The following DTNA variants were observed in gnomAD, a reference collection of about 807,000 sequenced individuals.
The protein encoded by DTNA is dystrobrevin alpha.
DTNA carries 43 observed loss-of-function variants against 100.7 expected under a neutral mutation model. The ratio of observed to expected loss-of-function variants is 0.43; its 90% CI spans 0.33 to 0.55. DTNA has a LOEUF of 0.55. Among genes scored for constraint, DTNA ranks in the 20% least tolerant of loss-of-function variants. The pLI, the probability that DTNA is intolerant of heterozygous loss-of-function variation, is 0.04. For synonymous variants in DTNA, 349 were observed against 347.9 expected, an observed-to-expected ratio of 1.00 and a Z score of -0.04; for missense variants, 798 against 953.9, an observed-to-expected ratio of 0.84 and a Z score of 2.15.
At chr18:34,800,830 A>G (rs113673703) in intron 4 of DTNA, among the ~76,000 whole-genome samples, 3,856 of 152,226 alleles carry the variant, frequency 0.025, 168 homozygotes, top group African/African-American at 0.087. Context: ...ATCCAGCCCT[A>G]CCGATCAATA....
chr18:34,866,064 T>C, intron 17 of DTNA: 1 of 1,608,538 alleles, frequency 6.2e-7, no homozygotes, highest in South Asian at 1.1e-5. Flanking sequence ...CATGCTCTTA[T>C]TGGAACCCTG....
At chr18:34,724,627 C>T (rs1346838465) in intron 1 of DTNA, among the ~76,000 whole-genome samples, 2 of 152,092 alleles carry the variant, frequency 1.3e-5, no homozygotes, top group Non-Finnish European at 2.9e-5. Flanking sequence ...TCTTTTAAAC[C>T]AGCTCTTGGT....
chr18:34,568,417 C>T (rs919311319), intron 1 of DTNA, among the ~76,000 whole-genome samples: 4 of 152,086 alleles, frequency 2.6e-5, no homozygotes. Flanking sequence ...GAGTTCCTGG[C>T]ACTTCTGTTC....
intron 1 of DTNA, among the ~76,000 whole-genome samples, chr18:34,739,886 G>C (rs139712631): frequency 6.6e-6 from 1 of 152,072 alleles, no homozygotes; most frequent in Non-Finnish European, 1.5e-5. Context: ...AAACTTCTTG[G>C]TGTGACTCCA....
At chr18:34,524,058 G>GTTTACTCATGTTTAC (rs2042384434) in intron 1 of DTNA, among the ~76,000 whole-genome samples, 1 of 152,174 alleles carries the variant, frequency 6.6e-6, no homozygotes, top group Non-Finnish European at 1.5e-5. Flanking sequence ...GAGTAAACAT[G>GTTTACTCATGTTTAC]AAGATGGTTG....
chr18:34,783,251 A>T (rs1286202760), intron 3 of DTNA, among the ~76,000 whole-genome samples: 1 of 152,156 alleles, frequency 6.6e-6, no homozygotes, highest in Non-Finnish European at 1.5e-5. Context: ...TGAGTCAACA[A>T]TTTTCATACC....
intron 9 of DTNA, chr18:34,825,359 C>A: frequency 6.5e-7 from 1 of 1,532,102 alleles, no homozygotes; most frequent in Non-Finnish European, 9.0e-7. Context: ...AACAAGTGAG[C>A]AATATGAGGC....
At chr18:34,837,655 C>T (rs146104431) in intron 11 of DTNA, among the ~76,000 whole-genome samples, 3 of 152,302 alleles carry the variant, frequency 2.0e-5, no homozygotes, top group Admixed American at 1.3e-4. Flanking sequence ...TAATATGAAG[C>T]AATCTCTAGC....
At chr18:34,680,234 GAATA>G (rs1360620458) in intron 1 of DTNA, among the ~76,000 whole-genome samples, 2 of 151,984 alleles carry the variant, frequency 1.3e-5, no homozygotes, top group African/African-American at 4.8e-5. Flanking sequence ...TGAAATGAAT[GAATA>G]AATATATTTT....
At chr18:34,533,916 C>T (rs1285775821) in intron 1 of DTNA, among the ~76,000 whole-genome samples, 1 of 152,070 alleles carries the variant, frequency 6.6e-6, no homozygotes, top group Admixed American at 6.6e-5. Context: ...TTGTTTGGAT[C>T]CTGTAGGAGC....
chr18:34,510,200 C>T (rs893695970), intron 1 of DTNA, among the ~76,000 whole-genome samples: 1 of 150,858 alleles, frequency 6.6e-6, no homozygotes, highest in African/African-American at 2.4e-5. Flanking sequence ...TTTGACTGCT[C>T]CTGCCCATTT....
chr18:34,858,131 A>G (rs2096574608), intron 15 of DTNA, among the ~76,000 whole-genome samples, 154 bp from the exon 16 acceptor site: 1 of 152,190 alleles, frequency 6.6e-6, no homozygotes, highest in South Asian at 2.1e-4. Flanking sequence ...AGCCTCTTAA[A>G]TACACTGGAA....
intron 3 of DTNA, 69 bp from the exon 4 acceptor site, chr18:34,793,968 G>T: frequency 6.6e-7 from 1 of 1,512,004 alleles, no homozygotes. Flanking sequence ...CAGGACAGAG[G>T]GTCATGTAAA....
intron 1 of DTNA, among the ~76,000 whole-genome samples, chr18:34,731,341 C>T (rs976534035): frequency 1.3e-5 from 2 of 151,758 alleles, no homozygotes; most frequent in African/African-American, 2.4e-5. Flanking sequence ...TAGCCGGGCG[C>T]GGTGGCGGGC....
At chr18:34,847,878 G>A (rs1426821854) in intron 13 of DTNA, among the ~76,000 whole-genome samples, 2 of 152,120 alleles carry the variant, frequency 1.3e-5, no homozygotes, top group African/African-American at 2.4e-5. Context: ...CAGCAGGTAG[G>A]GATCACTGGA....
At chr18:34,511,454 G>T (rs1459070117) in intron 1 of DTNA, among the ~76,000 whole-genome samples, 2 of 152,022 alleles carry the variant, frequency 1.3e-5, no homozygotes, top group African/African-American at 4.8e-5. Flanking sequence ...TGAAATTCCT[G>T]GGCTCTATGA....
intron 1 of DTNA, among the ~76,000 whole-genome samples, chr18:34,703,192 G>T (rs916563915): frequency 6.6e-6 from 1 of 152,118 alleles, no homozygotes; most frequent in African/African-American, 2.4e-5. Context: ...TACAAAACTG[G>T]TCATCACTGG....
chr18:34,775,727 A>G (rs2094011696), intron 3 of DTNA, among the ~76,000 whole-genome samples: 1 of 152,214 alleles, frequency 6.6e-6, no homozygotes, highest in South Asian at 2.1e-4. Flanking sequence ...AAATGTCTTG[A>G]AAGTATTTTT....
Position 34,888,724 on chromosome 18 carries a change from C to A in DTNA, c.*990C>A, listed in dbSNP as rs941330243. On this transcript the variant is annotated 3_prime_UTR_variant, in exon 23 of 23. Coordinates refer to ENST00000444659, the MANE Select transcript of DTNA (RefSeq NM_001386795.1). Reference sequence around the variant, plus strand: ...AAAGTTATCTCTGCTCTTCCATGGTCTTGTTCCTCTCGTTTTGGCTTTAGG... The same window carrying A: ...AAAGTTATCTCTGCTCTTCCATGGTATTGTTCCTCTCGTTTTGGCTTTAGG... The A allele has an allele frequency of 1.0e-6, 1 of 985,772 alleles. No individual in the cohort carries two copies. Among genetic ancestry groups the A allele is most frequent in the Non-Finnish European group, 1.2e-6 (1 of 829,958 alleles). 61.1% of individuals were successfully genotyped at this position (985,772 alleles called of 1,614,324 possible).
Sources: allele counts gnomAD v4.1 joint callset (sites outside exome capture counted in the v4.1 genomes callset), GRCh38; gene constraint gnomAD v4.1.1; transcripts MANE v1.5; gene names NCBI Gene and HGNC (gene_info 2026-07-23, HGNC 2026-07-21).